MAML3: variants seen among roughly 807,000 people sequenced by gnomAD.
MAML3 encodes the protein mastermind-like protein 3.
A neutral mutation model predicts 101.9 loss-of-function variants in MAML3; 27 were observed. The observed-to-expected ratio is 0.27, with a 90% CI of 0.20 to 0.37. The LOEUF (loss-of-function observed/expected upper bound fraction) is 0.37, where lower values mean the gene tolerates loss of function less well. Among genes scored for constraint, MAML3 ranks in the 10% least tolerant of loss-of-function variants. MAML3 has a pLI of 1.00. For synonymous variants in MAML3, 501 were observed against 555.9 expected, an observed-to-expected ratio of 0.90 and a Z score of 1.39; for missense variants, 1,316 against 1,444.9, an observed-to-expected ratio of 0.91 and a Z score of 1.45.
At chr4:140,125,801 CAG>C (rs1293293587) in intron 1 of MAML3, among the ~76,000 whole-genome samples, 1 of 152,080 alleles carries the variant, frequency 6.6e-6, no homozygotes, top group East Asian at 1.9e-4. Flanking sequence ...TGTTTTGAGA[CAG>C]AGTCTTGCTC....
chr4:139,833,637 GT>G (rs1378928385), intron 2 of MAML3, among the ~76,000 whole-genome samples: 1 of 152,222 alleles, frequency 6.6e-6, no homozygotes, highest in African/African-American at 2.4e-5. Flanking sequence ...GAGGCCCTAA[GT>G]TTACCATGCA....
intron 1 of MAML3, among the ~76,000 whole-genome samples, chr4:140,010,192 A>G (rs989737217): frequency 1.3e-5 from 2 of 152,248 alleles, no homozygotes; most frequent in African/African-American, 4.8e-5. Flanking sequence ...AATGTGTACC[A>G]CAAATATGAG....
At chr4:139,895,431 T>G (rs72931663) in intron 1 of MAML3, among the ~76,000 whole-genome samples, 2,722 of 152,310 alleles carry the variant, frequency 0.018, 75 homozygotes, top group African/African-American at 0.063. Flanking sequence ...CTCCTAAGCC[T>G]TGGTTTCCTT....
At chr4:139,943,198 G>A (rs902011276) in intron 1 of MAML3, among the ~76,000 whole-genome samples, 7 of 152,180 alleles carry the variant, frequency 4.6e-5, no homozygotes, top group Non-Finnish European at 7.3e-5. Flanking sequence ...TTGAAGAAGA[G>A]AATGCTGCTT....
chr4:139,830,263 C>G (rs940097428), intron 2 of MAML3, among the ~76,000 whole-genome samples: 4 of 152,168 alleles, frequency 2.6e-5, no homozygotes, highest in Non-Finnish European at 5.9e-5. Flanking sequence ...ACAGTCCTTT[C>G]TCCCCAAAGA....
chr4:139,826,517 G>A (rs1380978365), intron 2 of MAML3, among the ~76,000 whole-genome samples: 2 of 152,176 alleles, frequency 1.3e-5, no homozygotes, highest in Non-Finnish European at 2.9e-5. Flanking sequence ...GACTGGTGGC[G>A]TCAGCAATTA....
intron 1 of MAML3, among the ~76,000 whole-genome samples, chr4:140,071,764 AGAG>A (rs1727659002): frequency 2.0e-5 from 3 of 151,234 alleles, no homozygotes; most frequent in African/African-American, 7.3e-5. Flanking sequence ...TTAGAGAGAG[AGAG>A]AGAGAGAGAG....
At chr4:139,980,125 C>T (rs1734418371) in intron 1 of MAML3, among the ~76,000 whole-genome samples, 1 of 152,218 alleles carries the variant, frequency 6.6e-6, no homozygotes, top group African/African-American at 2.4e-5. Flanking sequence ...GCCCGGACTC[C>T]AGCTAGCTGT....
At chr4:139,948,101 A>AAAATAAAT (rs59043940) in intron 1 of MAML3, among the ~76,000 whole-genome samples, 40,077 of 142,896 alleles carry the variant, frequency 0.28, 5,945 homozygotes, top group Non-Finnish European at 0.33. Flanking sequence ...ACTCCATCTC[A>AAAATAAAT]AAATAAATAA....
rs1732463142 is a variant in MAML3 at position 139,890,829 on chromosome 4, T to C, written c.607A>G (p.Ile203Val). The change falls in exon 2 of 5, where the codon ATC becomes GTC. Residue 203 changes from isoleucine to valine, a missense_variant. Coordinates refer to ENST00000509479, the MANE Select transcript of MAML3 (RefSeq NM_018717.5). This position sits in a 1 kb window ranked among gnomAD's most constrained non-coding sequence, Gnocchi z 4.1. The stretch of plus-strand genomic sequence containing the variant: ...GGCATGTTACTGGGCAAATTGTTGA[T>C]GGCTTCCATCCCCGCAGAAATGTCC... ...RKDISAGMEA[I>V]NNLPSNMPLP... 3 of 1,614,024 alleles carry C rather than the reference T, an allele frequency of 1.9e-6. No individual in the cohort carries two copies. The highest frequency in any genetic ancestry group is 2.7e-5 in the African/African-American group (2 of 75,062).
intron 1 of MAML3, among the ~76,000 whole-genome samples, chr4:140,037,831 T>G (rs1444642759): frequency 6.6e-6 from 1 of 152,240 alleles, no homozygotes; most frequent in East Asian, 1.9e-4. Context: ...GCACCCTGAT[T>G]AGACATAATC....
chr4:139,757,753 T>C (rs1398063960), intron 2 of MAML3, among the ~76,000 whole-genome samples: 1 of 152,096 alleles, frequency 6.6e-6, no homozygotes, highest in Non-Finnish European at 1.5e-5. Flanking sequence ...ATGCTACCTC[T>C]GATCCTACCA....
intron 1 of MAML3, among the ~76,000 whole-genome samples, chr4:140,090,472 G>A (rs1728024386): frequency 6.6e-6 from 1 of 152,222 alleles, no homozygotes; most frequent in Admixed American, 6.5e-5. Context: ...TGTTCTAAGT[G>A]CTTACCTACA....
intron 1 of MAML3, among the ~76,000 whole-genome samples, chr4:139,941,140 A>ATTTT (rs1733589176): frequency 5.3e-5 from 8 of 152,224 alleles, no homozygotes; most frequent in African/African-American, 1.7e-4. Context: ...TGCTTTTTAA[A>ATTTT]ACTTGTTTTC....
At chr4:140,060,387 T>TAAAAAAAAAAAAAAAAAAAA (rs1553971712) in intron 1 of MAML3, among the ~76,000 whole-genome samples, 3 of 16,804 alleles carry the variant, frequency 1.8e-4, no homozygotes, top group Admixed American at 5.6e-4. Context: ...AAAAAAAAAG[T>TAAAAAAAAAAAAAAAAAAAA]CACAAGCCTG....
intron 1 of MAML3, among the ~76,000 whole-genome samples, chr4:140,061,948 T>A (rs1180003291): frequency 2.6e-5 from 4 of 152,220 alleles, no homozygotes; most frequent in Non-Finnish European, 5.9e-5. Flanking sequence ...TCTGAAGTCT[T>A]TTTGTCTAGA....
At chr4:140,104,197 C>A (rs1728297487) in intron 1 of MAML3, among the ~76,000 whole-genome samples, 4 of 149,716 alleles carry the variant, frequency 2.7e-5, no homozygotes, top group African/African-American at 9.9e-5. Context: ...ACAGCCTGGG[C>A]AACAAATAGA....
intron 1 of MAML3, among the ~76,000 whole-genome samples, chr4:139,925,943 G>A (rs966045807): frequency 3.9e-5 from 6 of 152,100 alleles, no homozygotes; most frequent in Non-Finnish European, 8.8e-5. Flanking sequence ...AGAGGAGGAC[G>A]GAGAAATGCC....
chr4:140,078,840 AG>A (rs1727819650), intron 1 of MAML3, among the ~76,000 whole-genome samples: 1 of 152,148 alleles, frequency 6.6e-6, no homozygotes, highest in South Asian at 2.1e-4. Context: ...GCCCACCATG[AG>A]GGCTGGAAAG....
Sources: gnomAD v4.1 joint callset for allele counts (sites outside exome capture counted in the v4.1 genomes callset) on GRCh38, gnomAD v4.1.1 for gene constraint, Gnocchi (gnomAD v3.1) non-coding constraint, MANE v1.5 for transcripts, NCBI Gene and HGNC (gene_info 2026-07-23, HGNC 2026-07-21) for gene names.